The following COMMD10 variants were observed in gnomAD, a reference collection of about 807,000 sequenced individuals.
The protein encoded by COMMD10 is COMM domain-containing protein 10.
Under a neutral mutation model 28.9 loss-of-function variants are expected in COMMD10, and 33 were observed. That is an observed-to-expected ratio of 1.14 (90% CI 0.87 to 1.53). The LOEUF (loss-of-function observed/expected upper bound fraction) is 1.53. Ranked by LOEUF, COMMD10 falls within the 40% of genes most tolerant of loss-of-function variation. The probability of loss-of-function intolerance (pLI) is 0.00; values close to 1 mark genes in which losing one functional copy is unlikely to be tolerated. For missense variants in COMMD10, 310 were observed against 233.4 expected (o/e 1.33, Z -2.14); for synonymous variants, 110 against 81.7 (o/e 1.35, Z -1.87).
At position 116,265,418 on chromosome 5, in the gene COMMD10, C is replaced by T. The variant is rs147009500; in HGVS notation, c.511-26099C>T. ...GTTATATTTAAGCAGTGATGTTACA[C>T]ACTTCCCAAAAAGTAATTTATTGGG... On this transcript the variant is annotated intron_variant, in intron 5 of 6. Coordinates refer to ENST00000274458, the MANE Select transcript of COMMD10 (RefSeq NM_016144.4). Among the ~76,000 whole-genome samples, 1,143 of 151,796 alleles carry T rather than the reference C, an allele frequency of 7.5e-3. 48 individuals are homozygous for T. Among genetic ancestry groups the T allele is most frequent in the Admixed American group, 0.067 (1,014 of 15,216 alleles).
intron 5 of COMMD10, among the ~76,000 whole-genome samples, chr5:116,208,514 C>T (rs1306370897): frequency 6.6e-6 from 1 of 152,146 alleles, no homozygotes; most frequent in African/African-American, 2.4e-5. Flanking sequence ...AATTCTGACT[C>T]TTTGGGATCC....
chr5:116,169,648 GT>G (rs1168903526), intron 5 of COMMD10, among the ~76,000 whole-genome samples: 2 of 152,162 alleles, frequency 1.3e-5, no homozygotes, highest in Non-Finnish European at 2.9e-5. Context: ...CCATGATCAA[GT>G]CAGCTTCATC....
intron 5 of COMMD10, among the ~76,000 whole-genome samples, chr5:116,142,609 C>G (rs1029801470): frequency 3.3e-5 from 5 of 151,742 alleles, no homozygotes; most frequent in African/African-American, 2.4e-5. Context: ...AGATATAACA[C>G]TATTTCAAAA....
intron 3 of COMMD10, 63 bp downstream of exon 3, chr5:116,091,252 A>G (rs766200208): frequency 4.9e-6 from 4 of 811,318 alleles, no homozygotes; most frequent in East Asian, 2.7e-5. Flanking sequence ...TATTGTTATG[A>G]TATCTATGAC....
chr5:116,178,862 C>G (rs564682551), intron 5 of COMMD10, among the ~76,000 whole-genome samples: 123 of 152,192 alleles, frequency 8.1e-4, no homozygotes, highest in African/African-American at 2.8e-3. Context: ...TAAACATCTT[C>G]CATTCCAAAA....
At chr5:116,134,846 C>T (rs556712933) in intron 5 of COMMD10, among the ~76,000 whole-genome samples, 2 of 152,182 alleles carry the variant, frequency 1.3e-5, no homozygotes, top group South Asian at 2.1e-4. Context: ...TGGTCTCGAT[C>T]CCCTGACCTT....
At chr5:116,266,574 C>G (rs1420923718) in intron 5 of COMMD10, among the ~76,000 whole-genome samples, 2 of 151,778 alleles carry the variant, frequency 1.3e-5, no homozygotes, top group African/African-American at 2.4e-5. Flanking sequence ...TAATTTAAAT[C>G]TCTTTCCATA....
chr5:116,232,569 C>T (rs906677873), intron 5 of COMMD10, among the ~76,000 whole-genome samples: 6 of 152,030 alleles, frequency 3.9e-5, no homozygotes, highest in East Asian at 1.9e-4. Context: ...GACGTGGTAG[C>T]GGGTGCCTGT....
At chr5:116,279,178 G>C (rs141876607) in intron 5 of COMMD10, among the ~76,000 whole-genome samples, 3 of 151,684 alleles carry the variant, frequency 2.0e-5, no homozygotes, top group Admixed American at 6.6e-5. Context: ...TGGTACTTCC[G>C]TACTGCCTGG....
intron 5 of COMMD10, among the ~76,000 whole-genome samples, chr5:116,156,471 G>C (rs1260118423): frequency 6.6e-6 from 1 of 152,250 alleles, no homozygotes. Context: ...GGTCTTTCCA[G>C]ATTGGGGCTG....
At chr5:116,093,729 G>A (rs2112713486) in intron 4 of COMMD10, among the ~76,000 whole-genome samples, 1 of 152,234 alleles carries the variant, frequency 6.6e-6, no homozygotes, top group Admixed American at 6.5e-5. Context: ...GCAATCCTAA[G>A]CAAAAAGAAC....
intron 5 of COMMD10, among the ~76,000 whole-genome samples, chr5:116,150,833 AT>A (rs1388251206): frequency 7.3e-5 from 10 of 136,952 alleles, no homozygotes; most frequent in African/African-American, 2.7e-4. Flanking sequence ...TCTTTTCCTA[AT>A]TGAATACCCT....
At chr5:116,234,964 A>C (rs1194114949) in intron 5 of COMMD10, among the ~76,000 whole-genome samples, 1 of 152,178 alleles carries the variant, frequency 6.6e-6, no homozygotes, top group African/African-American at 2.4e-5. Flanking sequence ...GACACCTTTC[A>C]TTTTACGGAA....
chr5:116,197,645 G>A (rs900559892), intron 5 of COMMD10, among the ~76,000 whole-genome samples: 1 of 152,078 alleles, frequency 6.6e-6, no homozygotes, highest in Non-Finnish European at 1.5e-5. Flanking sequence ...GCCTCCCTAC[G>A]TTCTGGGATT....
intron 5 of COMMD10, among the ~76,000 whole-genome samples, chr5:116,263,558 C>T (rs779626257): frequency 3.1e-4 from 47 of 151,682 alleles, no homozygotes; most frequent in East Asian, 1.9e-4. Flanking sequence ...CTTTTAGGTC[C>T]GATAAGAAAC....
intron 5 of COMMD10, among the ~76,000 whole-genome samples, chr5:116,262,672 G>C (rs1750481017): frequency 6.6e-6 from 1 of 151,834 alleles, no homozygotes; most frequent in African/African-American, 2.4e-5. Flanking sequence ...TCAGTCTGAA[G>C]TGAGCTGCAG....
rs928189663 is a variant in COMMD10 at position 116,269,491 on chromosome 5, A to C, written c.511-22026A>C. Among the ~76,000 whole-genome samples the C allele has an allele frequency of 4.0e-5, 6 of 151,796 alleles. 1 individual carries two copies. Among genetic ancestry groups the C allele is most frequent in the African/African-American group, 1.5e-4 (6 of 41,136 alleles). ...TTCAGGTAGTAAAATAAAAAATCTT[A>C]TGCAGTTCAAGTTAGAAAAATTGGA... On this transcript the variant is annotated intron_variant, in intron 5 of 6. Transcript: ENST00000274458.
chr5:116,177,024 C>T (rs1281038662), intron 5 of COMMD10, among the ~76,000 whole-genome samples: 2 of 152,076 alleles, frequency 1.3e-5, no homozygotes, highest in African/African-American at 4.8e-5. Flanking sequence ...AGTTGCTGGG[C>T]AAGCAGGAAA....
chr5:116,211,363 A>G (rs999193273), intron 5 of COMMD10, among the ~76,000 whole-genome samples: 13 of 152,134 alleles, frequency 8.5e-5, no homozygotes, highest in Non-Finnish European at 4.4e-5. Context: ...GTAAACCTAT[A>G]CAGCATGTTA....
Sources: allele counts gnomAD v4.1 joint callset (sites outside exome capture counted in the v4.1 genomes callset), GRCh38; gene constraint gnomAD v4.1.1; transcripts MANE v1.5; gene names NCBI Gene and HGNC (gene_info 2026-07-23, HGNC 2026-07-21).